The following RASEF variants were observed in gnomAD, a reference collection of about 807,000 sequenced individuals.
RASEF encodes ras and EF-hand domain-containing protein.
Under a neutral mutation model 90.1 loss-of-function variants are expected in RASEF, and 68 were observed. The ratio of observed to expected loss-of-function variants is 0.75; its 90% confidence interval spans 0.62 to 0.92. The LOEUF (loss-of-function observed/expected upper bound fraction) is 0.92, where lower values mean the gene tolerates loss of function less well. Among genes scored for constraint, RASEF ranks in the 40% least tolerant of loss-of-function variants. RASEF has a pLI of 0.00. For missense variants in RASEF, 949 were observed against 937.2 expected, an observed-to-expected ratio of 1.01 and a Z score of -0.16; for synonymous variants, 331 against 345.2, an observed-to-expected ratio of 0.96 and a Z score of 0.46.
chr9:83,041,882 AAG>A (rs1309256040), intron 1 of RASEF, among the ~76,000 whole-genome samples: 1 of 152,170 alleles, frequency 6.6e-6, no homozygotes, highest in Non-Finnish European at 1.5e-5. Context: ...AGTTCACTAA[AAG>A]AGCAAACAGC....
the RASEF span, among the ~76,000 whole-genome samples, chr9:83,106,248 A>T: frequency 6.6e-6 from 1 of 152,142 alleles, no homozygotes; most frequent in East Asian, 1.9e-4. Flanking sequence ...CCTGATGCAA[A>T]TACTTGCCCG....
At chr9:83,011,548 C>G in intron 5 of RASEF, among the ~76,000 whole-genome samples, 1 of 18,610 alleles carries the variant, frequency 5.4e-5, no homozygotes, top group Non-Finnish European at 9.1e-5. Flanking sequence ...AAGACTCCAT[C>G]TCAAAAAAAA....
chr9:83,063,671 A>G (rs1830255962), upstream of RASEF, among the ~76,000 whole-genome samples: 1 of 152,196 alleles, frequency 6.6e-6, no homozygotes, highest in Admixed American at 6.5e-5. Context: ...AAAACCTGAG[A>G]AAAAATTTGA....
upstream of RASEF, among the ~76,000 whole-genome samples, chr9:83,066,328 T>G (rs1830282349): frequency 6.6e-6 from 1 of 152,216 alleles, no homozygotes; most frequent in Non-Finnish European, 1.5e-5. Flanking sequence ...TTTACACAAT[T>G]GCATTGTGAC....
At chr9:83,030,951 C>T (rs889619273) in intron 1 of RASEF, among the ~76,000 whole-genome samples, 2 of 152,146 alleles carry the variant, frequency 1.3e-5, no homozygotes, top group African/African-American at 4.8e-5. Flanking sequence ...CCCACTTTCT[C>T]CCTCATCCTC....
chr9:83,055,721 G>T (rs773835009), intron 1 of RASEF: 11 of 712,972 alleles, frequency 1.5e-5, no homozygotes, highest in Non-Finnish European at 5.2e-6. Flanking sequence ...TAATGCAGGT[G>T]ATTTGGAATG....
the RASEF span, among the ~76,000 whole-genome samples, chr9:83,175,882 T>C: frequency 1.3e-5 from 2 of 152,176 alleles, no homozygotes; most frequent in African/African-American, 4.8e-5. Context: ...CCCGGCCTAT[T>C]TCAAATGTAC....
At chr9:83,165,273 A>G in the RASEF span, among the ~76,000 whole-genome samples, 1 of 152,106 alleles carries the variant, frequency 6.6e-6, no homozygotes, top group Non-Finnish European at 1.5e-5. Context: ...ACATACCTTA[A>G]TACATTTAAG....
intron 1 of RASEF, among the ~76,000 whole-genome samples, chr9:83,061,037 T>C (rs1830192947): frequency 6.6e-6 from 1 of 152,186 alleles, no homozygotes; most frequent in South Asian, 2.1e-4. Context: ...TCATATCCAA[T>C]ATGATGTGGA....
At chr9:83,123,945 C>T in the RASEF span, among the ~76,000 whole-genome samples, 4 of 144,830 alleles carry the variant, frequency 2.8e-5, no homozygotes, top group African/African-American at 7.8e-5. Context: ...AACTCTGTAC[C>T]CATGAAACAC....
At chr9:83,213,095 A>AG in the RASEF span, among the ~76,000 whole-genome samples, 9 of 112,142 alleles carry the variant, frequency 8.0e-5, no homozygotes, top group African/African-American at 2.2e-4. Flanking sequence ...ACACGTTTTA[A>AG]AAAAAAAAAA....
chr9:83,108,313 G>A, the RASEF span, among the ~76,000 whole-genome samples: 1 of 152,156 alleles, frequency 6.6e-6, no homozygotes, highest in Non-Finnish European at 1.5e-5. Flanking sequence ...AAACTTGGAT[G>A]TACTTACTTG....
chr9:83,042,939 C>T (rs1282020306), intron 1 of RASEF, among the ~76,000 whole-genome samples: 1 of 152,178 alleles, frequency 6.6e-6, no homozygotes, highest in Admixed American at 6.5e-5. Flanking sequence ...ACAAACACTC[C>T]ACACGGTAAC....
intron 3 of RASEF, among the ~76,000 whole-genome samples, chr9:83,020,653 C>T (rs1829425349): frequency 6.6e-6 from 1 of 152,072 alleles, no homozygotes; most frequent in Admixed American, 6.5e-5. Context: ...TTGCCACTAC[C>T]GGACTGAAGC....
At chr9:83,078,433 G>A in the RASEF span, among the ~76,000 whole-genome samples, 10 of 152,296 alleles carry the variant, frequency 6.6e-5, no homozygotes, top group Admixed American at 3.3e-4. Flanking sequence ...TTGGGAGGCC[G>A]AGGCGGGTGG....
chr9:83,112,822 T>G, the RASEF span, among the ~76,000 whole-genome samples: 1 of 152,026 alleles, frequency 6.6e-6, no homozygotes, highest in Non-Finnish European at 1.5e-5. Context: ...TAATTTTGGG[T>G]TTTTTTGTTT....
the RASEF span, among the ~76,000 whole-genome samples, chr9:83,200,106 C>A: frequency 6.6e-6 from 1 of 152,136 alleles, no homozygotes; most frequent in Non-Finnish European, 1.5e-5. Context: ...AAAGGCCGGG[C>A]GCGGTGGCTC....
At chr9:83,098,001 T>C in the RASEF span, among the ~76,000 whole-genome samples, 1 of 152,214 alleles carries the variant, frequency 6.6e-6, no homozygotes, top group Admixed American at 6.5e-5. Flanking sequence ...AAATTGTGAG[T>C]CTGGGAGTTA....
chr9:83,064,006 T>G (rs770179811), upstream of RASEF, among the ~76,000 whole-genome samples: 7 of 152,240 alleles, frequency 4.6e-5, no homozygotes, highest in Non-Finnish European at 8.8e-5. Context: ...TTTTACTTTA[T>G]TTACATTATC....
Sources: allele counts gnomAD v4.1 joint callset (sites outside exome capture counted in the v4.1 genomes callset), GRCh38; gene constraint gnomAD v4.1.1; transcripts MANE v1.5; gene names NCBI Gene and HGNC (gene_info 2026-07-23, HGNC 2026-07-21).